The following ADGRE1 variants were observed in gnomAD, a reference collection of about 807,000 sequenced individuals.
ADGRE1 encodes adhesion G protein-coupled receptor E1.
ADGRE1 carries 82 observed loss-of-function variants against 102.7 expected under a neutral mutation model. That is an observed-to-expected ratio of 0.80 (90% CI 0.67 to 0.96). The LOEUF (loss-of-function observed/expected upper bound fraction) is 0.96, where lower values mean the gene tolerates loss of function less well. Among genes scored for constraint, ADGRE1 ranks in the 40% least tolerant of loss-of-function variants. The pLI is 0.00. For missense variants in ADGRE1, 1,032 were observed against 1,085.3 expected (o/e 0.95, Z 0.69); for synonymous variants, 398 against 399.6 (o/e 1.00, Z 0.05).
chr19:6,906,001 C>G, intron 8 of ADGRE1, among the ~76,000 whole-genome samples: 1 of 152,070 alleles, frequency 6.6e-6, no homozygotes, highest in African/African-American at 2.4e-5. Context: ...CCTAGTATTG[C>G]TTGTGTTTGG....
At chr19:6,907,263 T>G (rs1261850132) in intron 9 of ADGRE1, among the ~76,000 whole-genome samples, 3 of 152,168 alleles carry the variant, frequency 2.0e-5, no homozygotes, top group African/African-American at 7.2e-5. Flanking sequence ...CCACTTTAAC[T>G]ATTTTAAAGT....
chr19:6,912,767 C>G (rs1486997740), intron 10 of ADGRE1, among the ~76,000 whole-genome samples: 1 of 152,132 alleles, frequency 6.6e-6, no homozygotes, highest in Non-Finnish European at 1.5e-5. Flanking sequence ...CACAAACTAT[C>G]CTGAGATGAA....
chr19:6,937,096 C>A, intron 18 of ADGRE1, 147 bp from the exon 19 acceptor site: 2 of 810,216 alleles, frequency 2.5e-6, no homozygotes, highest in Non-Finnish European at 3.9e-6. Flanking sequence ...GATTTTGCAA[C>A]ACCTAGGCTT....
At chr19:6,933,385 C>CTTTTTTTT (rs34493324) in intron 17 of ADGRE1, among the ~76,000 whole-genome samples, 33 of 129,872 alleles carry the variant, frequency 2.5e-4, no homozygotes, top group African/African-American at 8.7e-4. Flanking sequence ...AGTGTGAAGA[C>CTTTTTTTT]TTTTTTTTTT....
rs369394070 is a variant in ADGRE1 at position 6,919,755 on chromosome 19, A to T, written c.1620+8A>T. On this transcript the variant is annotated splice_region_variant and intron_variant, in intron 13 of 20. Coordinates refer to ENST00000312053, the MANE Select transcript of ADGRE1 (RefSeq NM_001974.5). Reference sequence around the variant, plus strand: ...ACTCTGGAGAACATTCAGGTTTGTGAAGAGGTCTCTACTGAGATTCTTGTC... The same window carrying T: ...ACTCTGGAGAACATTCAGGTTTGTGTAGAGGTCTCTACTGAGATTCTTGTC... 1.2e-5 allele frequency: 19 copies of T among 1,612,716 alleles called. No homozygotes were observed. Among genetic ancestry groups the T allele is most frequent in the South Asian group, 9.9e-5 (9 of 91,060 alleles).
intron 10 of ADGRE1, among the ~76,000 whole-genome samples, chr19:6,913,387 T>C (rs461352): frequency 0.72 from 109,194 of 151,652 alleles, 39,808 homozygotes; most frequent in East Asian, 0.77. Flanking sequence ...TCACTATGTT[T>C]GCCAGGCTGG....
At chr19:6,921,644 G>T (rs143533366) in intron 13 of ADGRE1, 69 bp from the exon 14 acceptor site, 1 of 1,458,886 alleles carries the variant, frequency 6.9e-7, no homozygotes, top group Non-Finnish European at 9.1e-7. Context: ...CTTGAGGATG[G>T]TCACATTTAA....
intron 18 of ADGRE1, among the ~76,000 whole-genome samples, chr19:6,936,436 C>CAAAA (rs543860591): frequency 7.4e-6 from 1 of 134,610 alleles, no homozygotes; most frequent in Non-Finnish European, 1.6e-5. Flanking sequence ...ACTCCATCTC[C>CAAAA]AAAAAAAAAA....
At chr19:6,910,570 CTTTTTTT>C (rs11303491) in intron 10 of ADGRE1, among the ~76,000 whole-genome samples, 3 of 112,682 alleles carry the variant, frequency 2.7e-5, no homozygotes, top group African/African-American at 3.4e-5. Context: ...TGTTCCAACT[CTTTTTTT>C]TTTTTTTTTT....
At position 6,913,846 on chromosome 19, in the gene ADGRE1, TG is replaced by T; in HGVS notation, c.1300+17del. 6.4e-7 allele frequency: 1 copy of T among 1,557,190 alleles called. No individual in the cohort carries two copies. Among genetic ancestry groups the T allele is most frequent in the Non-Finnish European group, 8.7e-7 (1 of 1,145,296 alleles). On this transcript the variant is annotated intron_variant, in intron 11 of 20. Transcript: ENST00000312053. ...GAATACTTAGGTAGGAGACACCCTT[TG>T]TGGCAAGGTTACACCTAGGGGATGA...
intron 17 of ADGRE1, among the ~76,000 whole-genome samples, chr19:6,934,562 A>G (rs1444130406): frequency 6.7e-6 from 1 of 148,542 alleles, no homozygotes; most frequent in Non-Finnish European, 1.5e-5. Context: ...CTGGGATTAC[A>G]GGTGTGCACC....
At chr19:6,891,600 C>G (rs904459954) in intron 2 of ADGRE1, among the ~76,000 whole-genome samples, 2 of 151,930 alleles carry the variant, frequency 1.3e-5, no homozygotes, top group Non-Finnish European at 2.9e-5. Flanking sequence ...ACTACAGGCG[C>G]CCGCCACCAC....
At chr19:6,897,617 T>C in intron 5 of ADGRE1, 70 bp downstream of exon 5, 2 of 1,420,786 alleles carry the variant, frequency 1.4e-6, no homozygotes, top group Non-Finnish European at 1.9e-6. Context: ...GAAGACCATA[T>C]GAGAAAGGGA....
intron 1 of ADGRE1, 151 bp from the exon 2 acceptor site, chr19:6,890,330 T>TG: frequency 1.5e-6 from 1 of 661,100 alleles, no homozygotes; most frequent in Admixed American, 3.1e-5. Context: ...ATAGTGTATG[T>TG]TTGTTCCTTA....
Position 6,916,497 on chromosome 19 carries a change from C to T in ADGRE1, c.1420+129C>T. On this transcript the variant is annotated intron_variant, in intron 12 of 20. Transcript: ENST00000312053. ...AATGAGGGTAGAAATGGTCCATGCT[C>T]TCAGAGAGTTTTCCATGTGCTAGGG... is the stretch of plus-strand genomic sequence containing the variant. 14 of 1,238,918 alleles carry T rather than the reference C, an allele frequency of 1.1e-5. No individual in the cohort carries two copies. In the South Asian group the frequency reaches 2.1e-4, roughly 18 times the overall value. The allele number at this position is 1,238,918 out of a possible 1,614,324, so 76.7% of individuals were successfully genotyped here. A position where few individuals can be genotyped will look rare whatever the true frequency, so the allele number is the denominator to read the frequency against.
At chr19:6,891,917 T>C (rs1213798738) in intron 2 of ADGRE1, among the ~76,000 whole-genome samples, 5 of 152,000 alleles carry the variant, frequency 3.3e-5, no homozygotes. Context: ...GCAAAGGTCC[T>C]GAGGTTGGAA....
At chr19:6,887,988 C>A (rs551444418) in intron 1 of ADGRE1, among the ~76,000 whole-genome samples, 1 of 152,310 alleles carries the variant, frequency 6.6e-6, no homozygotes, top group South Asian at 2.1e-4. Flanking sequence ...CACAGATGAT[C>A]ATAGCCCACT....
intron 13 of ADGRE1, among the ~76,000 whole-genome samples, chr19:6,919,980 G>A (rs1264125729): frequency 6.6e-6 from 1 of 152,158 alleles, no homozygotes; most frequent in Non-Finnish European, 1.5e-5. Context: ...AAACACCGAA[G>A]CACCGGGTTT....
At chr19:6,934,854 G>A (rs187470046) in intron 17 of ADGRE1, 133 bp from the exon 18 acceptor site, 9 of 409,142 alleles carry the variant, frequency 2.2e-5, no homozygotes, top group East Asian at 1.7e-4. Flanking sequence ...AGATCCGCCC[G>A]CCTCAGCCTC....
Sources: gnomAD v4.1 joint callset for allele counts (sites outside exome capture counted in the v4.1 genomes callset) on GRCh38, gnomAD v4.1.1 for gene constraint, MANE v1.5 for transcripts, NCBI Gene and HGNC (gene_info 2026-07-23, HGNC 2026-07-21) for gene names.